TRPM3: variants seen among roughly 807,000 people sequenced by gnomAD.
TRPM3 encodes the protein transient receptor potential cation channel subfamily M member 3, also known as long transient receptor potential channel 3.
TRPM3 carries 77 observed loss-of-function variants against 181.2 expected under a neutral mutation model. That is an observed-to-expected ratio of 0.42 (90% CI 0.35 to 0.51). The LOEUF (loss-of-function observed/expected upper bound fraction) is 0.51, where lower values mean the gene tolerates loss of function less well. TRPM3 is among the 20% of genes least tolerant of loss of function. The pLI, the probability that TRPM3 is intolerant of heterozygous loss-of-function variation, is 0.01. For missense variants in TRPM3, 1,759 were observed against 2,196.7 expected, an observed-to-expected ratio of 0.80 and a Z score of 3.98; for synonymous variants, 745 against 796.4, an observed-to-expected ratio of 0.94 and a Z score of 1.09.
chr9:71,278,780 A>G (rs1036339248), intron 1 of TRPM3, among the ~76,000 whole-genome samples: 1 of 152,162 alleles, frequency 6.6e-6, no homozygotes, highest in African/African-American at 2.4e-5. Context: ...TGTATATGAC[A>G]GAGGGTTAAT....
chr9:70,758,936 C>T (rs1466257659), intron 8 of TRPM3, among the ~76,000 whole-genome samples: 1 of 152,116 alleles, frequency 6.6e-6, no homozygotes, highest in African/African-American at 2.4e-5. Flanking sequence ...GACTTCATGA[C>T]TAAAACATCA....
At chr9:70,776,446 TC>T in intron 7 of TRPM3, 1 of 714,222 alleles carries the variant, frequency 1.4e-6, no homozygotes, top group Non-Finnish European at 2.6e-6. Context: ...GCTTTCCTCT[TC>T]CTTTTTTCTT....
Position 70,537,253 on chromosome 9 carries a change from C to T in TRPM3, c.3860G>A (p.Arg1287Gln), listed in dbSNP as rs141399885. 4.3e-3 allele frequency: 6,836 copies of T among 1,590,980 alleles called. 24 individuals are homozygous for T. The highest frequency in any genetic ancestry group is 4.9e-3 in the Non-Finnish European group (5,687 of 1,163,650). Residue 1287 changes from arginine to glutamine, a missense_variant, in exon 26 of 26, where the codon CGG (arginine) becomes CAG (glutamine). Physicochemically the swap from Arg to Gln is conservative, Grantham distance 43 (BLOSUM62 1). Around this residue, in one of 8 missense-constraint regions of TRPM3, gnomAD observed 612 missense variants for 590.0 expected, o/e 1.04. Coordinates refer to ENST00000677713, the MANE Select transcript of TRPM3 (RefSeq NM_001366145.2). ...CGAGCGGATTTTGTTGGACTCGGCC[C>T]GCTCCAGACCTGTCAGGCGCTCCAG... Reference protein sequence around the residue: ...TALERLTGLERAESNKIRSRT... With the variant: ...TALERLTGLEQAESNKIRSRT...
At chr9:70,626,072 A>G (rs1373039427) in intron 12 of TRPM3, among the ~76,000 whole-genome samples, 1 of 152,154 alleles carries the variant, frequency 6.6e-6, no homozygotes, top group Non-Finnish European at 1.5e-5. Context: ...TTTCTTTTAA[A>G]GAGAGTAACA....
intron 1 of TRPM3, among the ~76,000 whole-genome samples, chr9:71,353,128 C>T (rs539164364): frequency 5.3e-5 from 8 of 152,138 alleles, no homozygotes; most frequent in East Asian, 1.9e-4. Context: ...ACCTTCAGGT[C>T]ATATTCATCC....
intron 1 of TRPM3, among the ~76,000 whole-genome samples, chr9:71,025,879 A>T (rs1665848063): frequency 6.6e-6 from 1 of 152,188 alleles, no homozygotes; most frequent in Admixed American, 6.5e-5. Context: ...AGATGAAGGG[A>T]AGACATAGAT....
At chr9:71,157,937 C>CAA (rs1031072136) in intron 1 of TRPM3, among the ~76,000 whole-genome samples, 1 of 151,998 alleles carries the variant, frequency 6.6e-6, no homozygotes, top group Non-Finnish European at 1.5e-5. Context: ...GACAGATTGT[C>CAA]AAAAAATGTC....
intron 9 of TRPM3, among the ~76,000 whole-genome samples, chr9:70,660,891 T>C (rs538146178): frequency 4.3e-4 from 65 of 152,048 alleles, no homozygotes; most frequent in African/African-American, 1.5e-3. Flanking sequence ...CTGAAACTAT[T>C]CCAAATGATA....
At chr9:71,403,398 C>T (rs1392627678) in intron 1 of TRPM3, among the ~76,000 whole-genome samples, 1 of 152,066 alleles carries the variant, frequency 6.6e-6, no homozygotes, top group Non-Finnish European at 1.5e-5. Context: ...TTTGTCCACT[C>T]CAGGTAAGAA....
chr9:71,070,192 G>A (rs970242854), intron 1 of TRPM3, among the ~76,000 whole-genome samples: 2 of 152,156 alleles, frequency 1.3e-5, no homozygotes, highest in African/African-American at 4.8e-5. Flanking sequence ...ATGGGAGGAG[G>A]AAATATCCTT....
chr9:70,793,123 A>G (rs1290319249), intron 6 of TRPM3, among the ~76,000 whole-genome samples: 1 of 152,038 alleles, frequency 6.6e-6, no homozygotes, highest in African/African-American at 2.4e-5. Flanking sequence ...TAATTTGCCA[A>G]CTCTTCCTAC....
chr9:71,045,281 T>C (rs574306824), intron 1 of TRPM3, among the ~76,000 whole-genome samples: 4 of 152,052 alleles, frequency 2.6e-5, no homozygotes, highest in Admixed American at 6.5e-5. Context: ...TGGAATACCA[T>C]CTCAATCCTC....
intron 1 of TRPM3, among the ~76,000 whole-genome samples, chr9:71,079,089 G>C: frequency 6.6e-6 from 1 of 152,176 alleles, no homozygotes; most frequent in East Asian, 1.9e-4. Flanking sequence ...GGAGGCAGGG[G>C]TGACAAGCTG....
chr9:71,250,325 T>C (rs1412224750), intron 1 of TRPM3, among the ~76,000 whole-genome samples: 2 of 152,238 alleles, frequency 1.3e-5, no homozygotes, highest in Non-Finnish European at 2.9e-5. Context: ...CTCATTTTGC[T>C]TTTTATTTTT....
chr9:71,319,380 G>T (rs923332443), intron 1 of TRPM3, among the ~76,000 whole-genome samples: 6 of 152,116 alleles, frequency 3.9e-5, no homozygotes, highest in Admixed American at 3.9e-4. Flanking sequence ...TGAAGCCAAG[G>T]GTGTAAGTCC....
At chr9:70,877,002 A>G (rs1015332491) in intron 1 of TRPM3, among the ~76,000 whole-genome samples, 2 of 152,024 alleles carry the variant, frequency 1.3e-5, no homozygotes, top group Admixed American at 1.3e-4. Flanking sequence ...TGTACCTTAC[A>G]TTAAGCCTCA....
intron 19 of TRPM3, among the ~76,000 whole-genome samples, chr9:70,609,566 C>T (rs1048460423): frequency 6.6e-6 from 1 of 152,164 alleles, no homozygotes; most frequent in Non-Finnish European, 1.5e-5. Context: ...GAAGAGTTGC[C>T]ACTGAGTAGA....
chr9:71,098,372 G>A (rs944862962), intron 1 of TRPM3, among the ~76,000 whole-genome samples: 4 of 152,270 alleles, frequency 2.6e-5, no homozygotes, highest in Admixed American at 2.6e-4. Context: ...TTGAAGAGAG[G>A]TAAAGGAGCA....
chr9:70,959,438 G>A (rs2097114201), intron 1 of TRPM3, among the ~76,000 whole-genome samples: 1 of 150,998 alleles, frequency 6.6e-6, no homozygotes, highest in Non-Finnish European at 1.5e-5. Flanking sequence ...GAAATGGAAA[G>A]TATCACTTTA....
Sources: allele counts gnomAD v4.1 joint callset (sites outside exome capture counted in the v4.1 genomes callset), GRCh38; gene constraint gnomAD v4.1.1; regional missense constraint gnomAD v4.1.1; transcripts MANE v1.5; gene names NCBI Gene and HGNC (gene_info 2026-07-23, HGNC 2026-07-21).